NTNG2: variants seen among roughly 807,000 people sequenced by gnomAD.
NTNG2 encodes the protein netrin-G2.
NTNG2 carries 15 observed loss-of-function variants against 47.6 expected under a neutral mutation model. The observed-to-expected ratio is 0.32, with a 90% CI of 0.21 to 0.49. NTNG2 has a LOEUF of 0.49. NTNG2 is among the 20% of genes least tolerant of loss of function. NTNG2 has a pLI of 0.99. For missense variants in NTNG2, 578 were observed against 764.6 expected (o/e 0.76, Z 2.88); for synonymous variants, 307 against 324.6 (o/e 0.95, Z 0.58).
intron 3 of NTNG2, among the ~76,000 whole-genome samples, chr9:132,209,866 G>A (rs1041792054): frequency 2.0e-5 from 3 of 146,488 alleles, no homozygotes; most frequent in East Asian, 2.1e-4. Flanking sequence ...GCGCGGCAGC[G>A]TTGGCGTTGG....
intron 2 of NTNG2, among the ~76,000 whole-genome samples, chr9:132,184,038 G>A (rs1837145739): frequency 6.6e-6 from 1 of 152,182 alleles, no homozygotes; most frequent in Non-Finnish European, 1.5e-5. Context: ...ATGAATAAGT[G>A]AATGAATAAA....
Position 132,236,044 on chromosome 9 carries a change from A to T in NTNG2, c.1055-3060A>T, listed in dbSNP as rs577539604. 6.6e-6 allele frequency among the ~76,000 whole-genome samples: 1 copy of T among 152,314 alleles called. No individual in the cohort carries two copies. The highest frequency in any genetic ancestry group is 2.1e-4 in the South Asian group (1 of 4,830). On this transcript the variant is annotated intron_variant, in intron 5 of 7. Transcript: ENST00000393229. This position sits in a 1 kb window ranked among gnomAD's most constrained non-coding sequence, Gnocchi z 4.3. Reference sequence around the variant, plus strand: ...CTCCGAGGGCTTCGGAGTCTGGTAGAGGCCCCGCCTCCCACGACAGGAACC... The same window carrying T: ...CTCCGAGGGCTTCGGAGTCTGGTAGTGGCCCCGCCTCCCACGACAGGAACC...
At chr9:132,189,533 G>T (rs1355882077) in intron 2 of NTNG2, among the ~76,000 whole-genome samples, 1 of 152,158 alleles carries the variant, frequency 6.6e-6, no homozygotes, top group Non-Finnish European at 1.5e-5. Context: ...CGGGCATTGG[G>T]AGGGCACCTC....
Position 132,221,304 on chromosome 9 carries a change from C to T in NTNG2, c.858-5545C>T, listed in dbSNP as rs185904984. ...AAGCAAGATCAGAACATCTGCTGGA[C>T]AGAGACATGGAGAGAGAGACAAAGA... On this transcript the variant is annotated intron_variant, in intron 3 of 7. Transcript: ENST00000393229. The surrounding 1 kb of genome is among the most constrained non-coding windows in gnomAD (Gnocchi z 4.2). 3.2e-4 allele frequency among the ~76,000 whole-genome samples: 48 copies of T among 152,252 alleles called. No individual in the cohort carries two copies. The highest frequency in any genetic ancestry group is 1.0e-3 in the South Asian group (5 of 4,822).
intron 2 of NTNG2, among the ~76,000 whole-genome samples, chr9:132,192,763 G>C (rs1391933298): frequency 6.6e-6 from 1 of 152,170 alleles, no homozygotes; most frequent in Non-Finnish European, 1.5e-5. Flanking sequence ...ATCAGAGGGG[G>C]ACAAGGAGAA....
chr9:132,187,196 GA>G (rs1837459366), intron 2 of NTNG2, among the ~76,000 whole-genome samples: 1 of 152,252 alleles, frequency 6.6e-6, no homozygotes, highest in African/African-American at 2.4e-5. Flanking sequence ...GTGGCTTTGG[GA>G]GGCTCATTGC....
At chr9:132,164,940 C>G (rs1402246861) in intron 1 of NTNG2, among the ~76,000 whole-genome samples, 1 of 152,102 alleles carries the variant, frequency 6.6e-6, no homozygotes, top group Non-Finnish European at 1.5e-5. Flanking sequence ...TTGGCAGGAG[C>G]GTTTTTCTGT....
rs1242020882 is a variant in NTNG2, at chr9:132,243,266, A to T, written c.*1155A>T. 2.0e-5 allele frequency: 3 copies of T among 152,428 alleles called. No homozygotes were observed. The East Asian group carries it at 5.8e-4, about 29-fold the overall frequency. The allele number at this position is 152,428 out of a possible 1,614,324, so 9.4% of individuals were successfully genotyped here. On this transcript the variant is annotated 3_prime_UTR_variant, in exon 8 of 8. Coordinates refer to ENST00000393229, the MANE Select transcript of NTNG2 (RefSeq NM_032536.4). ...GCCGGAGCCTCAAGTCCAATATCAG[A>T]TGAAGCTGAACCCACAATTCGGCCA...
chr9:132,227,205 GA>G (rs1840835676), intron 4 of NTNG2, among the ~76,000 whole-genome samples, 184 bp downstream of exon 4: 1 of 152,338 alleles, frequency 6.6e-6, no homozygotes, highest in Admixed American at 6.5e-5. Flanking sequence ...GCACACATAT[GA>G]ATGCAAAAAC....
chr9:132,179,691 T>C (rs963513518), intron 2 of NTNG2, among the ~76,000 whole-genome samples: 1 of 152,234 alleles, frequency 6.6e-6, no homozygotes, highest in Non-Finnish European at 1.5e-5. Flanking sequence ...TGCAGCTTTT[T>C]GCCCTCTCGT....
chr9:132,229,592 C>A (rs924721328), intron 4 of NTNG2, among the ~76,000 whole-genome samples: 1 of 152,234 alleles, frequency 6.6e-6, no homozygotes, highest in African/African-American at 2.4e-5. Flanking sequence ...TGGTCACCAC[C>A]CAGTCCTGGC....
chr9:132,180,471 A>G lies in NTNG2; in HGVS notation c.213+13427A>G, dbSNP rs898807052. On this transcript the variant is annotated intron_variant, in intron 2 of 7. Transcript: ENST00000393229. This position sits in a 1 kb window ranked among gnomAD's most constrained non-coding sequence, Gnocchi z 4.2. ...CTCTGCCCCTGTCCCCACCCAGGCA[A>G]CATCCAAAACCTTTGCCCACAGTTC... Among the ~76,000 whole-genome samples, 4 of 152,326 alleles carry G rather than the reference A, an allele frequency of 2.6e-5. No homozygotes were observed. The highest frequency in any genetic ancestry group is 1.3e-4 in the Admixed American group (2 of 15,310).
rs2131363660 is a variant in NTNG2 at position 132,182,038 on chromosome 9, AC to A, written c.213+14998del. ...CTGTCAGCCTCTCCTCCCCCAGCACACCCCGGCAGCCCAGAGAAGGGAGGGC... is the reference window on the plus strand; with the variant it reads ...CTGTCAGCCTCTCCTCCCCCAGCACACCCGGCAGCCCAGAGAAGGGAGGGC... On this transcript the variant is annotated intron_variant, in intron 2 of 7. Coordinates refer to ENST00000393229, the MANE Select transcript of NTNG2 (RefSeq NM_032536.4). The surrounding 1 kb of genome is among the most constrained non-coding windows in gnomAD (Gnocchi z 4.2). Among the ~76,000 whole-genome samples, 1 of 152,104 alleles carries A rather than the reference AC, an allele frequency of 6.6e-6. No homozygotes were observed. Among genetic ancestry groups the A allele is most frequent in the South Asian group, 2.1e-4 (1 of 4,822 alleles).
At chr9:132,241,113 C>T (rs1841951789) in intron 7 of NTNG2, 69 bp downstream of exon 7, 2 of 1,341,578 alleles carry the variant, frequency 1.5e-6, no homozygotes, top group Non-Finnish European at 1.9e-6. Context: ...AGGCAGTGGG[C>T]GGGGCCTAGT....
Position 132,163,001 on chromosome 9 carries a change from G to T in NTNG2, c.-484+762G>T, listed in dbSNP as rs1835198946. Among the ~76,000 whole-genome samples, 1 of 152,124 alleles carries T rather than the reference G, an allele frequency of 6.6e-6. No individual in the cohort carries two copies. Among genetic ancestry groups the T allele is most frequent in the Non-Finnish European group, 1.5e-5 (1 of 68,016 alleles). On this transcript the variant is annotated intron_variant, in intron 1 of 7. Coordinates refer to ENST00000393229, the MANE Select transcript of NTNG2 (RefSeq NM_032536.4). This position sits in a 1 kb window ranked among gnomAD's most constrained non-coding sequence, Gnocchi z 7.2. ...TAAGTTGGCCGTCTGGGCTGGGGGC[G>T]GCGGCGGCCGGGTCGCCACAGGCGG...
chr9:132,229,071 T>C (rs930872039), intron 4 of NTNG2, among the ~76,000 whole-genome samples: 1 of 152,116 alleles, frequency 6.6e-6, no homozygotes, highest in Admixed American at 6.5e-5. Flanking sequence ...ACTCCTGAGC[T>C]GGCCCCACCT....
At chr9:132,191,344 T>C (rs182699713) in intron 2 of NTNG2, among the ~76,000 whole-genome samples, 1 of 152,262 alleles carries the variant, frequency 6.6e-6, no homozygotes, top group Admixed American at 6.5e-5. Flanking sequence ...AGCTGCTGTT[T>C]CAAAATAATC....
Position 132,166,785 on chromosome 9 carries a change from G to T in NTNG2, c.-47G>T. ...GCGAGTCCCGCCTGACCCCGTCGCT[G>T]CCTCTCCAGGGCTTCTCTGGGCCGC... On this transcript the variant is annotated 5_prime_UTR_variant, in exon 2 of 8. Transcript: ENST00000393229. The T allele has an allele frequency of 6.3e-7, 1 of 1,586,142 alleles. No homozygotes were observed.
intron 2 of NTNG2, among the ~76,000 whole-genome samples, chr9:132,193,122 C>CTAA (rs776216938): frequency 1.3e-4 from 20 of 152,168 alleles, no homozygotes; most frequent in Non-Finnish European, 1.0e-4. Flanking sequence ...CAGGGCAGGG[C>CTAA]TAAGTAAGGC....
Sources: gnomAD v4.1 joint callset for allele counts (sites outside exome capture counted in the v4.1 genomes callset) on GRCh38, gnomAD v4.1.1 for gene constraint, Gnocchi (gnomAD v3.1) non-coding constraint, MANE v1.5 for transcripts, NCBI Gene and HGNC (gene_info 2026-07-23, HGNC 2026-07-21) for gene names.